Variants in ATF2 observed in about 807,000 individuals in gnomAD.
The protein encoded by ATF2 is activating transcription factor 2, also known as cyclic AMP-dependent transcription factor ATF-2.
ATF2 carries 24 observed loss-of-function variants against 60.6 expected under a neutral mutation model. The observed-to-expected ratio is 0.40, with a 90% CI of 0.29 to 0.56. The LOEUF (loss-of-function observed/expected upper bound fraction) is 0.56, where lower values mean the gene tolerates loss of function less well. Among genes scored for constraint, ATF2 ranks in the 20% least tolerant of loss-of-function variants. The pLI is 0.54. For missense variants in ATF2, 433 were observed against 607.7 expected (o/e 0.71, Z 3.02); for synonymous variants, 206 against 215.4 (o/e 0.96, Z 0.38).
At chr2:175,095,874 C>T (rs1694902603) in intron 11 of ATF2, among the ~76,000 whole-genome samples, 1 of 152,004 alleles carries the variant, frequency 6.6e-6, no homozygotes, top group Non-Finnish European at 1.5e-5. Flanking sequence ...ACTTGCAGAC[C>T]ACACAAAAAC....
intron 11 of ATF2, among the ~76,000 whole-genome samples, chr2:175,093,999 T>G (rs1019328514): frequency 3.3e-5 from 5 of 152,206 alleles, no homozygotes; most frequent in Admixed American, 3.3e-4. Flanking sequence ...CAGTCACTAG[T>G]AATATTGTCT....
At chr2:175,102,119 A>G (rs1695353656) in intron 10 of ATF2, among the ~76,000 whole-genome samples, 1 of 152,226 alleles carries the variant, frequency 6.6e-6, no homozygotes. Context: ...CATTTATTTT[A>G]CAATAGAATT....
chr2:175,084,525 A>G (rs913688436), intron 12 of ATF2, among the ~76,000 whole-genome samples: 13 of 148,722 alleles, frequency 8.7e-5, no homozygotes, highest in African/African-American at 3.0e-4. Flanking sequence ...GGATAGCATT[A>G]GGAGATATAC....
chr2:175,094,492 C>G (rs1318413721), intron 11 of ATF2, among the ~76,000 whole-genome samples: 1 of 148,314 alleles, frequency 6.7e-6, no homozygotes, highest in Non-Finnish European at 1.5e-5. Flanking sequence ...GCTACAGGCA[C>G]ACAATCCAAA....
intron 3 of ATF2, chr2:175,132,743 T>G (rs1450599220): frequency 6.6e-6 from 1 of 152,216 alleles, no homozygotes; most frequent in Non-Finnish European, 1.5e-5. Context: ...TGGTTTTAAG[T>G]AATGAATTCA....
intron 9 of ATF2, 64 bp from the exon 10 acceptor site, chr2:175,111,718 C>T (rs1696203448): frequency 7.3e-7 from 1 of 1,362,860 alleles, no homozygotes; most frequent in Non-Finnish European, 1.0e-6. Context: ...TTGTACTTTA[C>T]TGCTGTTGTA....
chr2:175,105,061 C>A (rs1297293546), intron 10 of ATF2, among the ~76,000 whole-genome samples: 1 of 152,010 alleles, frequency 6.6e-6, no homozygotes, highest in African/African-American at 2.4e-5. Context: ...TATTTAAGTA[C>A]TTAAGAAAGA....
chr2:175,122,919 T>C (rs1294376741), intron 4 of ATF2, among the ~76,000 whole-genome samples: 1 of 152,112 alleles, frequency 6.6e-6, no homozygotes, highest in Non-Finnish European at 1.5e-5. Context: ...TCTTGCTACA[T>C]TTTATCACTT....
intron 10 of ATF2, among the ~76,000 whole-genome samples, chr2:175,110,858 A>C (rs1696130734): frequency 6.6e-6 from 1 of 152,162 alleles, no homozygotes; most frequent in African/African-American, 2.4e-5. Context: ...TGCTCACCTC[A>C]GCCTCCCAAA....
chr2:175,104,124 T>C (rs1695484175), intron 10 of ATF2, among the ~76,000 whole-genome samples: 1 of 151,940 alleles, frequency 6.6e-6, no homozygotes, highest in South Asian at 2.1e-4. Flanking sequence ...ATACATAATA[T>C]CTTCCTGGAA....
intron 1 of ATF2, among the ~76,000 whole-genome samples, chr2:175,158,767 T>G (rs1000049179): frequency 6.6e-6 from 1 of 151,994 alleles, no homozygotes; most frequent in Non-Finnish European, 1.5e-5. Flanking sequence ...AAATTTTAAA[T>G]TGTATGATTA....
intron 4 of ATF2, 30 bp from the exon 5 acceptor site, chr2:175,121,570 A>C (rs1291392408): frequency 2.6e-6 from 4 of 1,510,566 alleles, no homozygotes; most frequent in Non-Finnish European, 3.6e-6. Flanking sequence ...AATATAGTTA[A>C]GATTTTCAAT....
chr2:175,114,182 T>A, intron 8 of ATF2, 74 bp from the exon 9 acceptor site: 1 of 1,496,680 alleles, frequency 6.7e-7, no homozygotes, highest in Non-Finnish European at 9.0e-7. Flanking sequence ...ACAATAGTAT[T>A]TTTACTCCTA....
At chr2:175,118,157 A>C (rs1696713755) in intron 6 of ATF2, 39 bp from the exon 7 acceptor site, 4 of 1,601,294 alleles carry the variant, frequency 2.5e-6, no homozygotes, top group Middle Eastern at 1.7e-4. Flanking sequence ...ATAAGTTCAA[A>C]AACAGTGTGT....
intron 1 of ATF2, among the ~76,000 whole-genome samples, chr2:175,152,183 G>C (rs954903800): frequency 1.3e-5 from 2 of 152,120 alleles, no homozygotes; most frequent in African/African-American, 4.8e-5. Flanking sequence ...ATACCTCATG[G>C]AGATGGCTTG....
chr2:175,137,545 T>C (rs1173448849), intron 2 of ATF2, among the ~76,000 whole-genome samples: 2 of 152,136 alleles, frequency 1.3e-5, no homozygotes, highest in Non-Finnish European at 2.9e-5. Context: ...AAGAAAACTC[T>C]CCTTGCATTT....
chr2:175,155,527 A>G (rs2105340924), intron 1 of ATF2, among the ~76,000 whole-genome samples: 3 of 152,346 alleles, frequency 2.0e-5, no homozygotes, highest in Admixed American at 2.0e-4. Context: ...TACCTCTTCC[A>G]TTGTGGAAAT....
intron 3 of ATF2, among the ~76,000 whole-genome samples, chr2:175,134,422 A>G (rs1487534381): frequency 6.6e-6 from 1 of 152,106 alleles, no homozygotes; most frequent in African/African-American, 2.4e-5. Context: ...CAGGACTCTA[A>G]GTAGAAGTGG....
At chr2:175,148,909 TATTG>T (rs1459259827) in intron 2 of ATF2, among the ~76,000 whole-genome samples, 1 of 152,150 alleles carries the variant, frequency 6.6e-6, no homozygotes, top group Non-Finnish European at 1.5e-5. Flanking sequence ...ATTTTAAATG[TATTG>T]ATTGATGTCT....
Sources: gnomAD v4.1 joint callset for allele counts (sites outside exome capture counted in the v4.1 genomes callset) on GRCh38, gnomAD v4.1.1 for gene constraint, MANE v1.5 for transcripts, NCBI Gene and HGNC (gene_info 2026-07-23, HGNC 2026-07-21) for gene names.